NCOR2: variants seen among roughly 807,000 people sequenced by gnomAD.
The protein encoded by NCOR2 is nuclear receptor corepressor 2.
Under a neutral mutation model 262.9 loss-of-function variants are expected in NCOR2, and 81 were observed. The observed-to-expected ratio is 0.31, with a 90% CI of 0.26 to 0.37. The LOEUF (loss-of-function observed/expected upper bound fraction) is 0.37. NCOR2 is among the 10% of genes least tolerant of loss of function. The probability of loss-of-function intolerance (pLI) is 1.00; values close to 1 mark genes in which losing one functional copy is unlikely to be tolerated. For missense variants in NCOR2, 3,385 were observed against 3,621.4 expected (o/e 0.93, Z 1.68); for synonymous variants, 1,659 against 1,559.3 (o/e 1.06, Z -1.51).
chr12:124,398,316 G>T, intron 15 of NCOR2, 135 bp from the exon 18 acceptor site: 2 of 896,570 alleles, frequency 2.2e-6, no homozygotes, highest in Non-Finnish European at 1.7e-6. Flanking sequence ...TGAACCCCGT[G>T]GGAAGGCCAC....
intron 41 of NCOR2, among the ~76,000 whole-genome samples, chr12:124,333,943 TGG>T (rs2035593277): frequency 1.4e-5 from 2 of 148,134 alleles, no homozygotes; most frequent in African/African-American, 5.1e-5. Context: ...CGCATGTGTG[TGG>T]GTGTGCACGT....
intron 16 of NCOR2, among the ~76,000 whole-genome samples, chr12:124,388,025 T>G (rs1429854969): frequency 6.9e-6 from 1 of 144,036 alleles, no homozygotes; most frequent in Non-Finnish European, 1.5e-5. Flanking sequence ...CTGGGGACCC[T>G]AATTAACTCC....
chr12:124,334,584 G>A lies in NCOR2; in HGVS notation c.6445C>T (p.Pro2149Ser), dbSNP rs1167862711. Reference sequence around the variant, plus strand: ...GGCAGGGGTGCGCTGAGCTGCTGTGGGTGGTGCCGGGTGTAGTCCTGTGTG... The same window carrying A: ...GGCAGGGGTGCGCTGAGCTGCTGTGAGTGGTGCCGGGTGTAGTCCTGTGTG... The change falls in exon 41 of 47, where the codon CCA becomes TCA. Residue 2149 changes from proline (P) to serine (S), a missense_variant. Pro to Ser is a moderately conservative substitution (Grantham distance 74, BLOSUM62 -1). This residue lies in a region of NCOR2 where 1,017 missense variants were observed against 967.2 expected (regional missense o/e 1.05). Coordinates refer to ENST00000405201, the Ensembl canonical transcript of NCOR2. 9.2e-6 allele frequency: 13 copies of A among 1,410,274 alleles called. No homozygotes were observed. Among genetic ancestry groups the A allele is most frequent in the Non-Finnish European group, 1.1e-5 (12 of 1,089,958 alleles). 87.4% of individuals were successfully genotyped at this position (1,410,274 alleles called of 1,614,324 possible).
intron 1 of NCOR2, among the ~76,000 whole-genome samples, chr12:124,553,767 TC>T (rs1424064109): frequency 1.3e-5 from 2 of 151,940 alleles, no homozygotes; most frequent in African/African-American, 4.8e-5. Flanking sequence ...CCATAAGAAA[TC>T]CCCCCACTGC....
intron 20 of NCOR2, among the ~76,000 whole-genome samples, chr12:124,367,602 C>G (rs1032132260): frequency 3.9e-5 from 6 of 152,158 alleles, no homozygotes; most frequent in Non-Finnish European, 7.3e-5. Flanking sequence ...TCTCCCCACC[C>G]TCCACTCTCC....
intron 11 of NCOR2, among the ~76,000 whole-genome samples, chr12:124,426,295 G>A (rs964517963): frequency 2.6e-5 from 4 of 152,226 alleles, no homozygotes; most frequent in Non-Finnish European, 4.4e-5. Context: ...CTTATAAGAA[G>A]AGGAGAAGCA....
chr12:124,324,427 C>G (rs78967522), exon 47 of NCOR2: 3 of 152,236 alleles, frequency 2.0e-5, no homozygotes, highest in African/African-American at 7.2e-5. Context: ...GAGTATAATT[C>G]GCTTTTTAAT....
intron 20 of NCOR2, among the ~76,000 whole-genome samples, chr12:124,370,075 G>A (rs980091760): frequency 1.4e-4 from 21 of 152,200 alleles, no homozygotes; most frequent in African/African-American, 5.1e-4. Context: ...ACAGCCAGCA[G>A]GAGCGGGGCG....
intron 10 of NCOR2, among the ~76,000 whole-genome samples, chr12:124,428,121 T>C (rs2043697237): frequency 1.7e-5 from 2 of 120,632 alleles, no homozygotes; most frequent in Non-Finnish European, 3.6e-5. Flanking sequence ...GCCACACCCT[T>C]GGCCATCAGG....
chr12:124,409,922 A>G (rs1298358645), intron 13 of NCOR2, among the ~76,000 whole-genome samples: 3 of 151,526 alleles, frequency 2.0e-5, no homozygotes, highest in Admixed American at 2.0e-4. Flanking sequence ...CAAGCGATCC[A>G]CCTACCTCAG....
intron 44 of NCOR2, among the ~76,000 whole-genome samples, chr12:124,330,448 T>C (rs2035080967): frequency 6.6e-6 from 1 of 152,262 alleles, no homozygotes; most frequent in Admixed American, 6.5e-5. Context: ...ATTTAAGGAA[T>C]GAAGCTCTAG....
At chr12:124,354,517 G>C (rs778988037) in exon 26 of NCOR2, 15 of 1,594,408 alleles carry the variant, frequency 9.4e-6, no homozygotes, top group Non-Finnish European at 1.3e-5. Flanking sequence ...GGCACCCCCA[G>C]GCTCTCCGGT....
intron 17 of NCOR2, among the ~76,000 whole-genome samples, chr12:124,379,081 G>A (rs1324644397): frequency 4.0e-5 from 1 of 24,814 alleles, no homozygotes; most frequent in Non-Finnish European, 1.6e-4. Flanking sequence ...CTTCTGCAAG[G>A]AAGTGACATT....
intron 13 of NCOR2, among the ~76,000 whole-genome samples, chr12:124,404,650 G>A (rs769480449): frequency 3.3e-5 from 5 of 152,236 alleles, no homozygotes; most frequent in African/African-American, 4.8e-5. Flanking sequence ...CCTGAGCTAC[G>A]AGCCTTCCCC....
chr12:124,532,657 C>G (rs1270967451), intron 1 of NCOR2, among the ~76,000 whole-genome samples: 3 of 152,220 alleles, frequency 2.0e-5, no homozygotes. Context: ...ACTGGCATGA[C>G]AAGCAGATAA....
chr12:124,325,385 C>CCCCCCA, exon 47 of NCOR2: 1 of 539,440 alleles, frequency 1.9e-6, no homozygotes, highest in Non-Finnish European at 2.7e-6. Context: ...CCGCCCCCCC[C>CCCCCCA]CCCGCCCTGT....
intron 41 of NCOR2, among the ~76,000 whole-genome samples, chr12:124,333,691 A>AC (rs2035456406): frequency 6.8e-6 from 1 of 147,538 alleles, no homozygotes; most frequent in South Asian, 2.1e-4. Flanking sequence ...CGCCTCCTTC[A>AC]CCCTGGAGCT....
intron 7 of NCOR2, among the ~76,000 whole-genome samples, chr12:124,438,262 G>A (rs372896675): frequency 1.9e-3 from 294 of 152,266 alleles, no homozygotes; most frequent in African/African-American, 6.8e-3. Flanking sequence ...GGGGCCTGTG[G>A]CTTCCCGCCC....
chr12:124,358,638 G>A (rs1356425416), intron 22 of NCOR2, among the ~76,000 whole-genome samples: 1 of 152,162 alleles, frequency 6.6e-6, no homozygotes, highest in Non-Finnish European at 1.5e-5. Flanking sequence ...ACACACCAAT[G>A]GGCTCATCTG....
Sources: allele counts gnomAD v4.1 joint callset (sites outside exome capture counted in the v4.1 genomes callset), GRCh38; gene constraint gnomAD v4.1.1; regional missense constraint gnomAD v4.1.1; transcripts MANE v1.5; gene names NCBI Gene and HGNC (gene_info 2026-07-23, HGNC 2026-07-21).